Variants in CWC27 observed in about 807,000 individuals in gnomAD.
CWC27 encodes spliceosome-associated protein CWC27 homolog.
A neutral mutation model predicts 63.6 loss-of-function variants in CWC27; 47 were observed. The ratio of observed to expected loss-of-function variants is 0.74; its 90% CI spans 0.58 to 0.94. CWC27 has a LOEUF of 0.94. CWC27 is among the 40% of genes least tolerant of loss of function. The pLI, the probability that CWC27 is intolerant of heterozygous loss-of-function variation, is 0.00. For missense variants in CWC27, 495 were observed against 554.3 expected, an observed-to-expected ratio of 0.89 and a Z score of 1.07; for synonymous variants, 175 against 179.8, an observed-to-expected ratio of 0.97 and a Z score of 0.22.
intron 10 of CWC27, among the ~76,000 whole-genome samples, chr5:64,840,360 ATT>A (rs1561430009): frequency 1.7e-4 from 7 of 40,822 alleles, no homozygotes; most frequent in South Asian, 1.7e-3. Flanking sequence ...ATCCTTTTTC[ATT>A]AAAAAAAAAA....
At chr5:64,871,314 G>GCTTATCAT in intron 10 of CWC27, among the ~76,000 whole-genome samples, 1 of 152,074 alleles carries the variant, frequency 6.6e-6, no homozygotes, top group East Asian at 1.9e-4. Flanking sequence ...TAAGCTTGAT[G>GCTTATCAT]GTAAGGATAA....
At chr5:64,849,724 G>T (rs890858487) in intron 10 of CWC27, among the ~76,000 whole-genome samples, 1 of 152,136 alleles carries the variant, frequency 6.6e-6, no homozygotes, top group African/African-American at 2.4e-5. Context: ...TAGGATCATG[G>T]GGGAGGTTTT....
chr5:64,871,368 T>C (rs1296949653), intron 10 of CWC27, among the ~76,000 whole-genome samples: 1 of 152,082 alleles, frequency 6.6e-6, no homozygotes, highest in Non-Finnish European at 1.5e-5. Flanking sequence ...AGTAAAGTCT[T>C]TATGGAGAAC....
intron 10 of CWC27, among the ~76,000 whole-genome samples, chr5:64,825,123 T>C (rs1745325033): frequency 6.6e-6 from 1 of 152,160 alleles, no homozygotes; most frequent in Non-Finnish European, 1.5e-5. Context: ...CAAGTAGGTA[T>C]AATGGCATGT....
rs968514156 is a variant in CWC27 at position 64,907,214 on chromosome 5, G to T, written c.1042+21668G>T. 9.2e-5 allele frequency among the ~76,000 whole-genome samples: 14 copies of T among 152,294 alleles called. No individual in the cohort carries two copies. The South Asian group carries it at 2.7e-3, about 29-fold the overall frequency. On this transcript the variant is annotated intron_variant, in intron 11 of 13. Coordinates refer to ENST00000381070, the MANE Select transcript of CWC27 (RefSeq NM_005869.4). ...TCCAATTCTTTGAAGAAAGTCATTG[G>T]TAGCTTGATGGGGATGGCATTGAAT...
chr5:65,004,448 A>C (rs1300294129), intron 13 of CWC27, among the ~76,000 whole-genome samples: 1 of 138,522 alleles, frequency 7.2e-6, no homozygotes, highest in Non-Finnish European at 1.5e-5. Context: ...TTTCAAATTC[A>C]GAAATTCTTT....
chr5:64,972,209 G>C (rs1749139691), intron 12 of CWC27, among the ~76,000 whole-genome samples: 1 of 152,180 alleles, frequency 6.6e-6, no homozygotes, highest in Non-Finnish European at 1.5e-5. Context: ...AGCCTAGCTT[G>C]AAATTGTACA....
chr5:64,967,646 A>G (rs1181644950), intron 11 of CWC27, among the ~76,000 whole-genome samples: 1 of 152,008 alleles, frequency 6.6e-6, no homozygotes, highest in Non-Finnish European at 1.5e-5. Context: ...ATTTTCAAGA[A>G]AGGTGCCAAG....
chr5:64,864,425 T>C (rs568685014), intron 10 of CWC27, among the ~76,000 whole-genome samples: 2 of 152,192 alleles, frequency 1.3e-5, no homozygotes, highest in Non-Finnish European at 2.9e-5. Context: ...GGTGGCAGTT[T>C]TGCCTTCAAA....
chr5:64,895,218 A>T (rs1278803370), intron 11 of CWC27, among the ~76,000 whole-genome samples: 1 of 152,154 alleles, frequency 6.6e-6, no homozygotes, highest in Non-Finnish European at 1.5e-5. Flanking sequence ...TATACAATGT[A>T]ACAGTCTCCT....
chr5:64,795,804 T>C (rs57274198), intron 7 of CWC27, among the ~76,000 whole-genome samples: 55,774 of 151,858 alleles, frequency 0.37, 10,879 homozygotes, highest in East Asian at 0.51. Flanking sequence ...GATTAGGACA[T>C]GGACATCTTA....
intron 13 of CWC27, among the ~76,000 whole-genome samples, chr5:65,001,840 T>C (rs1259059105): frequency 6.6e-6 from 1 of 151,804 alleles, no homozygotes; most frequent in East Asian, 1.9e-4. Context: ...TCTCATAGAA[T>C]GAATTAGGAA....
At position 64,781,956 on chromosome 5, in the gene CWC27, C is replaced by T. The variant is rs745426383; in HGVS notation, c.175C>T (p.Pro59Ser). 83 of 1,597,032 alleles carry T rather than the reference C, an allele frequency of 5.2e-5. No individual in the cohort carries two copies. Among genetic ancestry groups the T allele is most frequent in the Non-Finnish European group, 6.7e-5 (78 of 1,168,724 alleles). Residue 59 changes from proline to serine, a missense_variant, in exon 3 of 14, where the codon CCT becomes TCT. Pro to Ser is a moderately conservative substitution (Grantham distance 74). This residue lies in a region of CWC27 where 463 missense variants were observed against 498.1 expected (regional missense o/e 0.93). Transcript: ENST00000381070. ...YDNTIFHRVV[P>S]GFIVQGGDPT... ...CAATACCATTTTTCATAGAGTTGTG[C>T]CTGGTTTCATAGTCCAAGGCGGAGA...
chr5:64,790,126 T>C (rs1744023282), intron 7 of CWC27, among the ~76,000 whole-genome samples: 1 of 152,138 alleles, frequency 6.6e-6, no homozygotes, highest in African/African-American at 2.4e-5. Context: ...TATTGTATCC[T>C]TGAGTGATGT....
chr5:64,841,358 C>T (rs1341853816), intron 10 of CWC27, among the ~76,000 whole-genome samples: 1 of 152,188 alleles, frequency 6.6e-6, no homozygotes, highest in Non-Finnish European at 1.5e-5. Context: ...GCAGATTGCT[C>T]ATGGCCTAAT....
chr5:64,933,590 T>A (rs1423888695), intron 11 of CWC27, among the ~76,000 whole-genome samples: 2 of 151,854 alleles, frequency 1.3e-5, no homozygotes, highest in Admixed American at 1.3e-4. Flanking sequence ...CCTCCCAGGT[T>A]CAAGCTATTC....
chr5:64,935,761 C>G (rs1748336020), intron 11 of CWC27, among the ~76,000 whole-genome samples: 1 of 151,896 alleles, frequency 6.6e-6, no homozygotes, highest in African/African-American at 2.4e-5. Flanking sequence ...CGTTTGTGTC[C>G]TCTCTTACTT....
chr5:64,822,688 A>G (rs1203822600), intron 10 of CWC27, among the ~76,000 whole-genome samples: 1 of 152,182 alleles, frequency 6.6e-6, no homozygotes, highest in Non-Finnish European at 1.5e-5. Context: ...TTTGTGTGTT[A>G]TTTCAAGTGT....
At chr5:64,952,094 A>G (rs1271527573) in intron 11 of CWC27, among the ~76,000 whole-genome samples, 3 of 151,986 alleles carry the variant, frequency 2.0e-5, no homozygotes, top group Non-Finnish European at 2.9e-5. Context: ...ATGGCAGAGT[A>G]TTTGCATATA....
Sources: gnomAD v4.1 joint callset for allele counts (sites outside exome capture counted in the v4.1 genomes callset) on GRCh38, gnomAD v4.1.1 for gene constraint, gnomAD v4.1.1 regional missense constraint, MANE v1.5 for transcripts, NCBI Gene and HGNC (gene_info 2026-07-23, HGNC 2026-07-21) for gene names.